The following OR1J2 variants were observed in gnomAD, a reference collection of about 807,000 sequenced individuals.
OR1J2 encodes olfactory receptor 1J2.
For missense variants in OR1J2, 304 were observed against 246.1 expected (o/e 1.24, Z -1.57); for synonymous variants, 142 against 99.7 (o/e 1.42, Z -2.52).
chr9:122,497,186 G>A, the OR1J2 span, among the ~76,000 whole-genome samples: 14 of 152,278 alleles, frequency 9.2e-5, no homozygotes, highest in Middle Eastern at 3.4e-3. Context: ...CTGCAGCAGT[G>A]ATCCAGTTCC....
At chr9:122,541,647 C>T in the OR1J2 span, among the ~76,000 whole-genome samples, 2 of 152,192 alleles carry the variant, frequency 1.3e-5, no homozygotes, top group Non-Finnish European at 2.9e-5. Context: ...GCTGCCAAGC[C>T]TCCACCTTAA....
the OR1J2 span, among the ~76,000 whole-genome samples, chr9:122,518,036 C>T: frequency 6.6e-6 from 1 of 152,184 alleles, no homozygotes; most frequent in Non-Finnish European, 1.5e-5. Context: ...CTGCATAGGA[C>T]ATGGTCTCAT....
chr9:122,540,558 C>T, the OR1J2 span, among the ~76,000 whole-genome samples: 1 of 152,022 alleles, frequency 6.6e-6, no homozygotes, highest in South Asian at 2.1e-4. Flanking sequence ...GTGATGCCTC[C>T]AGCTTTGTTC....
At chr9:122,504,359 G>C in the OR1J2 span, among the ~76,000 whole-genome samples, 2 of 152,168 alleles carry the variant, frequency 1.3e-5, no homozygotes, top group African/African-American at 2.4e-5. Flanking sequence ...TGCCCATTCA[G>C]ATGATCCAAT....
At chr9:122,488,529 A>G in the OR1J2 span, among the ~76,000 whole-genome samples, 2 of 152,244 alleles carry the variant, frequency 1.3e-5, no homozygotes, top group African/African-American at 2.4e-5. Context: ...TTCAAGGACT[A>G]GAGATTTATT....
At chr9:122,552,202 A>G in the OR1J2 span, among the ~76,000 whole-genome samples, 17 of 152,060 alleles carry the variant, frequency 1.1e-4, no homozygotes, top group Admixed American at 9.2e-4. Flanking sequence ...CCAAAGAACA[A>G]ATGGAGGACT....
Position 122,511,577 on chromosome 9 carries a change from AC to A in OR1J2, c.778del (p.Leu260PhefsTer5), listed in dbSNP as rs1339186229. The A allele has an allele frequency of 3.8e-6, 3 of 780,954 alleles. No individual in the cohort carries two copies. Among genetic ancestry groups the A allele is most frequent in the Non-Finnish European group, 7.2e-6 (3 of 418,094 alleles). The allele number at this position is 780,954 out of a possible 1,614,324, so 48.4% of individuals were successfully genotyped here. A position where few individuals can be genotyped will look rare whatever the true frequency, so the allele number is the denominator to read the frequency against. ...TATTATGGGTCAATATTTGGCCAGTACCTTTTCCCGACTGTAAGCAGTTCTA... is the reference window on the plus strand; with the variant it reads ...TATTATGGGTCAATATTTGGCCAGTACTTTTCCCGACTGTAAGCAGTTCTA... The part of the protein sequence containing the change: ...SLYYGSIFGQ[Y>X]LFPTVSSSID... On this transcript the variant is annotated frameshift_variant, in exon 1 of 1. Coordinates refer to ENST00000335302, the MANE Select transcript of OR1J2 (RefSeq NM_054107.1). LOFTEE classifies it low-confidence loss of function (END_TRUNC).
the OR1J2 span, among the ~76,000 whole-genome samples, chr9:122,564,110 T>A: frequency 6.6e-6 from 1 of 152,186 alleles, no homozygotes; most frequent in African/African-American, 2.4e-5. Flanking sequence ...TGGGGACTAC[T>A]GGACACTGGC....
the OR1J2 span, chr9:122,567,935 G>A: frequency 1.2e-6 from 2 of 1,614,144 alleles, no homozygotes; most frequent in Non-Finnish European, 1.7e-6. Context: ...CAGGGCTGAG[G>A]TCACAGAGAA....
At chr9:122,491,997 T>A in the OR1J2 span, among the ~76,000 whole-genome samples, 49 of 152,170 alleles carry the variant, frequency 3.2e-4, no homozygotes, top group African/African-American at 1.1e-3. Flanking sequence ...AGATTTAACA[T>A]TTTTTCTTTT....
the OR1J2 span, among the ~76,000 whole-genome samples, chr9:122,460,153 C>T: frequency 6.8e-6 from 1 of 147,050 alleles, no homozygotes; most frequent in South Asian, 2.2e-4. Context: ...AGCAGTATTC[C>T]ATGGTATGTA....
the OR1J2 span, among the ~76,000 whole-genome samples, chr9:122,475,311 G>A: frequency 6.6e-6 from 1 of 152,188 alleles, no homozygotes; most frequent in Admixed American, 6.5e-5. Flanking sequence ...ATGAAAAGAA[G>A]TGAAAGCATT....
chr9:122,458,554 G>A, the OR1J2 span, among the ~76,000 whole-genome samples: 4 of 152,248 alleles, frequency 2.6e-5, no homozygotes, highest in East Asian at 7.7e-4. Flanking sequence ...CGTTGTACGT[G>A]GCAGCAGGCA....
the OR1J2 span, among the ~76,000 whole-genome samples, chr9:122,490,163 G>A: frequency 6.6e-6 from 1 of 152,098 alleles, no homozygotes; most frequent in Non-Finnish European, 1.5e-5. Context: ...TGGTGGCAGG[G>A]GAGAATACTG....
the OR1J2 span, among the ~76,000 whole-genome samples, chr9:122,569,070 G>C: frequency 6.6e-6 from 1 of 152,028 alleles, no homozygotes; most frequent in Non-Finnish European, 1.5e-5. Context: ...AAAACTAATG[G>C]TTTTTCAAAA....
the OR1J2 span, among the ~76,000 whole-genome samples, chr9:122,487,352 GAAT>G: frequency 6.6e-6 from 1 of 151,956 alleles, no homozygotes; most frequent in African/African-American, 2.4e-5. Context: ...AAACACCAGA[GAAT>G]AATAATAATG....
the OR1J2 span, among the ~76,000 whole-genome samples, chr9:122,522,109 A>G: frequency 6.6e-6 from 1 of 152,190 alleles, no homozygotes; most frequent in African/African-American, 2.4e-5. Context: ...ATATGAGTGC[A>G]TTTCCCTCTA....
chr9:122,458,507 C>T, the OR1J2 span, among the ~76,000 whole-genome samples: 11 of 152,220 alleles, frequency 7.2e-5, no homozygotes, highest in Admixed American at 7.2e-4. Context: ...GGGGAGGCTT[C>T]ACAATCGTGG....
At chr9:122,528,501 G>GGCC in the OR1J2 span, among the ~76,000 whole-genome samples, 1 of 152,166 alleles carries the variant, frequency 6.6e-6, no homozygotes, top group Admixed American at 6.5e-5. Context: ...GGTAGGCTGA[G>GGCC]GCCGGAGAAG....
Sources: gnomAD v4.1 joint callset for allele counts (sites outside exome capture counted in the v4.1 genomes callset) on GRCh38, gnomAD v4.1.1 for gene constraint, MANE v1.5 for transcripts, NCBI Gene and HGNC (gene_info 2026-07-23, HGNC 2026-07-21) for gene names.